Variants in STXBP5L observed in about 807,000 individuals in gnomAD.
STXBP5L encodes syntaxin-binding protein 5-like.
In STXBP5L, 65 loss-of-function variants were observed where a neutral mutation model predicts 144.5. The ratio of observed to expected loss-of-function variants is 0.45; its 90% CI spans 0.37 to 0.55. The LOEUF is 0.55. Among genes scored for constraint, STXBP5L ranks in the 20% least tolerant of loss-of-function variants. The pLI is 0.00. For synonymous variants in STXBP5L, 505 were observed against 469.6 expected (o/e 1.08, Z -0.97); for missense variants, 1,298 against 1,405.5 (o/e 0.92, Z 1.22).
rs536201399 is a variant in STXBP5L at position 121,301,053 on chromosome 3, C to T, written c.2111-17422C>T. On this transcript the variant is annotated intron_variant, in intron 19 of 26. Transcript: ENST00000471454. ...GGGATCTTTTTTGATTCCATATGAA[C>T]TTTAAAGTAGTTTTTTCCAATTCTG... 5.9e-5 allele frequency among the ~76,000 whole-genome samples: 9 copies of T among 152,194 alleles called. No individual in the cohort carries two copies. In the South Asian group the frequency reaches 1.9e-3, roughly 32 times the overall value.
intron 2 of STXBP5L, among the ~76,000 whole-genome samples, chr3:120,936,965 T>C (rs952217728): frequency 6.6e-6 from 1 of 152,176 alleles, no homozygotes; most frequent in African/African-American, 2.4e-5. Context: ...TTAGTGAGCC[T>C]GTGTCCTTGG....
chr3:121,345,797 T>C (rs2044941215), intron 20 of STXBP5L, among the ~76,000 whole-genome samples: 1 of 152,094 alleles, frequency 6.6e-6, no homozygotes, highest in African/African-American at 2.4e-5. Context: ...GTTGGCTGCA[T>C]AGAAGTCTTC....
At chr3:120,965,421 T>G (rs936577578) in intron 3 of STXBP5L, among the ~76,000 whole-genome samples, 3 of 152,170 alleles carry the variant, frequency 2.0e-5, no homozygotes, top group Admixed American at 1.3e-4. Flanking sequence ...ATACTGGTTG[T>G]TTCTTTCTAT....
chr3:120,932,743 C>T lies in STXBP5L; in HGVS notation c.190-22197C>T, dbSNP rs969440659. ...AATCATGCTGCTATAAAGACACATG[C>T]ACACGTATGTTTATTGCGGCACTAT... On this transcript the variant is annotated intron_variant, in intron 2 of 26. Coordinates refer to ENST00000471454, the MANE Select transcript of STXBP5L (RefSeq NM_001308330.2). Among the ~76,000 whole-genome samples the T allele has an allele frequency of 6.6e-5, 10 of 152,188 alleles. No individual in the cohort carries two copies. The East Asian group carries it at 1.2e-3, about 18-fold the overall frequency.
intron 23 of STXBP5L, among the ~76,000 whole-genome samples, chr3:121,412,762 A>G (rs1286648909): frequency 8.3e-4 from 104 of 124,654 alleles, no homozygotes; most frequent in African/African-American, 3.4e-3. Context: ...AAAGAAAAAG[A>G]AAAAAAGAAA....
intron 5 of STXBP5L, among the ~76,000 whole-genome samples, chr3:121,101,529 A>G (rs1559746842): frequency 6.6e-6 from 1 of 152,140 alleles, no homozygotes; most frequent in Non-Finnish European, 1.5e-5. Context: ...AAAATCTAAC[A>G]TCTCTTCATA....
At chr3:121,226,517 G>A (rs1279242647) in intron 11 of STXBP5L, among the ~76,000 whole-genome samples, 1 of 152,106 alleles carries the variant, frequency 6.6e-6, no homozygotes, top group Admixed American at 6.6e-5. Flanking sequence ...GGTACGGTTT[G>A]TGTCCAATTC....
intron 6 of STXBP5L, 114 bp from the exon 7 acceptor site, chr3:121,121,527 C>G (rs1019794718): frequency 1.4e-6 from 1 of 707,316 alleles, no homozygotes; most frequent in Non-Finnish European, 2.3e-6. Context: ...CTGAGCTTAA[C>G]CCTAGAATGG....
At chr3:120,920,243 C>A (rs1709296566) in intron 2 of STXBP5L, among the ~76,000 whole-genome samples, 1 of 151,656 alleles carries the variant, frequency 6.6e-6, no homozygotes, top group East Asian at 1.9e-4. Flanking sequence ...GTATAATTAT[C>A]AAATAATTAT....
At chr3:121,415,590 A>G (rs747254287) in intron 24 of STXBP5L, among the ~76,000 whole-genome samples, 1 of 152,128 alleles carries the variant, frequency 6.6e-6, no homozygotes, top group Non-Finnish European at 1.5e-5. Context: ...AATTAATCCT[A>G]GGGTAGCTAT....
chr3:120,993,391 A>T (rs1286973347), intron 3 of STXBP5L, among the ~76,000 whole-genome samples: 1 of 151,946 alleles, frequency 6.6e-6, no homozygotes, highest in Admixed American at 6.6e-5. Context: ...TTCTTATACC[A>T]TGTACTGCAG....
At chr3:121,342,437 G>A (rs1040596868) in intron 20 of STXBP5L, among the ~76,000 whole-genome samples, 1 of 151,216 alleles carries the variant, frequency 6.6e-6, no homozygotes, top group South Asian at 2.1e-4. Flanking sequence ...ATGCTGGTGC[G>A]CTGCACCCAT....
At chr3:121,348,633 A>C (rs4524223) in intron 20 of STXBP5L, among the ~76,000 whole-genome samples, 1 of 151,892 alleles carries the variant, frequency 6.6e-6, no homozygotes, top group South Asian at 2.1e-4. Flanking sequence ...CTCAATTTCA[A>C]AGCCTGTTAT....
intron 4 of STXBP5L, among the ~76,000 whole-genome samples, chr3:121,044,913 G>A (rs1229783460): frequency 6.6e-6 from 1 of 152,064 alleles, no homozygotes; most frequent in Non-Finnish European, 1.5e-5. Context: ...CTTTATAATT[G>A]ATGAAGCTTC....
intron 5 of STXBP5L, among the ~76,000 whole-genome samples, chr3:121,054,779 T>C (rs1395285073): frequency 3.2e-5 from 4 of 125,384 alleles, no homozygotes; most frequent in Non-Finnish European, 6.7e-5. Flanking sequence ...ACTGTTTCTT[T>C]TTCTTTACCA....
At chr3:121,000,284 C>T (rs1392028307) in intron 3 of STXBP5L, among the ~76,000 whole-genome samples, 1 of 152,092 alleles carries the variant, frequency 6.6e-6, no homozygotes, top group African/African-American at 2.4e-5. Context: ...TTCCATATAT[C>T]TTATATATTA....
intron 14 of STXBP5L, among the ~76,000 whole-genome samples, chr3:121,241,383 ACACACACACACACACACACACACACACG>A (rs2049661792): frequency 8.4e-5 from 1 of 11,890 alleles, no homozygotes; most frequent in Non-Finnish European, 1.5e-4. Flanking sequence ...ACATACACAC[ACACACACACACACACACACACACACACG>A]CACACACCTT....
At chr3:121,174,097 G>C (rs1423022253) in intron 9 of STXBP5L, among the ~76,000 whole-genome samples, 1 of 152,096 alleles carries the variant, frequency 6.6e-6, no homozygotes, top group Non-Finnish European at 1.5e-5. Context: ...AATAGCAATA[G>C]GAGGTGGCTT....
At chr3:121,135,080 T>G (rs1480722211) in intron 7 of STXBP5L, among the ~76,000 whole-genome samples, 2 of 152,216 alleles carry the variant, frequency 1.3e-5, no homozygotes, top group Non-Finnish European at 2.9e-5. Context: ...GTTTCCTGAC[T>G]TTTTAATGAT....
Sources: gnomAD v4.1 joint callset for allele counts (sites outside exome capture counted in the v4.1 genomes callset) on GRCh38, gnomAD v4.1.1 for gene constraint, MANE v1.5 for transcripts, NCBI Gene and HGNC (gene_info 2026-07-23, HGNC 2026-07-21) for gene names.